NOVA1: variants seen among roughly 807,000 people sequenced by gnomAD.
NOVA1 encodes RNA-binding protein Nova-1.
In NOVA1, 7 loss-of-function variants were observed where a neutral mutation model predicts 38.0. The observed-to-expected ratio is 0.18, with a 90% CI of 0.10 to 0.35. NOVA1 has a LOEUF of 0.35. Ranked by LOEUF, NOVA1 falls within the 10% of genes least tolerant of loss-of-function variation. NOVA1 has a pLI of 1.00. For synonymous variants in NOVA1, 270 were observed against 232.5 expected, an observed-to-expected ratio of 1.16 and a Z score of -1.47; for missense variants, 460 against 616.0, an observed-to-expected ratio of 0.75 and a Z score of 2.68.
chr14:26,449,957 T>C (rs1291973914), intron 4 of NOVA1, among the ~76,000 whole-genome samples: 2 of 152,088 alleles, frequency 1.3e-5, no homozygotes, highest in Admixed American at 1.3e-4. Flanking sequence ...AATATGACAT[T>C]TTCTATCATC....
chr14:26,580,017 C>T (rs1439722497), intron 2 of NOVA1, among the ~76,000 whole-genome samples: 1 of 151,962 alleles, frequency 6.6e-6, no homozygotes, highest in Non-Finnish European at 1.5e-5. Context: ...ATCTCAGCCT[C>T]CCAAGTAGCT....
chr14:26,582,972 G>A (rs1393093150), intron 2 of NOVA1, among the ~76,000 whole-genome samples: 1 of 151,732 alleles, frequency 6.6e-6, no homozygotes, highest in African/African-American at 2.4e-5. Context: ...TTGGGTGTTC[G>A]TATGCAGAGA....
At chr14:26,481,255 C>A (rs1336633863) in intron 2 of NOVA1, among the ~76,000 whole-genome samples, 1 of 151,946 alleles carries the variant, frequency 6.6e-6, no homozygotes, top group East Asian at 1.9e-4. Flanking sequence ...GAAATATTTT[C>A]AATTACCTAA....
chr14:26,571,582 A>G (rs1221066461), intron 2 of NOVA1, among the ~76,000 whole-genome samples: 1 of 152,206 alleles, frequency 6.6e-6, no homozygotes, highest in Non-Finnish European at 1.5e-5. Context: ...CAACCCCAGG[A>G]AACTGTCTAC....
At chr14:26,523,851 C>T (rs1046274686) in intron 2 of NOVA1, among the ~76,000 whole-genome samples, 9 of 150,454 alleles carry the variant, frequency 6.0e-5, no homozygotes, top group East Asian at 3.9e-4. Flanking sequence ...CCCGGGTTCA[C>T]GCCATTCTCC....
intron 3 of NOVA1, chr14:26,479,592 C>T (rs889024873): frequency 5.2e-6 from 1 of 193,718 alleles, no homozygotes; most frequent in African/African-American, 2.3e-5. Flanking sequence ...CTGAAAACTA[C>T]AAATATCACT....
intron 4 of NOVA1, among the ~76,000 whole-genome samples, chr14:26,464,854 T>C (rs912112658): frequency 1.3e-5 from 2 of 152,168 alleles, no homozygotes; most frequent in African/African-American, 4.8e-5. Flanking sequence ...CAGGCCTTTA[T>C]ATAAAAATTG....
Position 26,448,538 on chromosome 14 carries a change from G to T in NOVA1, c.945C>A (p.Ile315=), listed in dbSNP as rs772096524. The stretch of plus-strand genomic sequence containing the variant: ...TGGCTAATGTATTAAGTGCAGAGGT[G>T]ATGGCCACCAGGTCATTGCCTGTGA... ...SGFTGNDLVA[I]TSALNTLASY... Residue 315 remains isoleucine, a synonymous_variant, in exon 5 of 5, where the codon ATC becomes ATA. Coordinates refer to ENST00000539517, the MANE Select transcript of NOVA1 (RefSeq NM_002515.3). This position sits in a 1 kb window ranked among gnomAD's most constrained non-coding sequence, Gnocchi z 5.3. The T allele has an allele frequency of 6.2e-7, 1 of 1,614,180 alleles. No homozygotes were observed. Among genetic ancestry groups the T allele is most frequent in the Admixed American group, 1.7e-5 (1 of 60,022 alleles).
At chr14:26,456,031 T>C (rs1051335123) in intron 4 of NOVA1, among the ~76,000 whole-genome samples, 2 of 152,044 alleles carry the variant, frequency 1.3e-5, no homozygotes, top group Non-Finnish European at 2.9e-5. Flanking sequence ...GAAATCATTA[T>C]TATTTTAAAT....
At chr14:26,464,925 T>G (rs1473452258) in intron 4 of NOVA1, among the ~76,000 whole-genome samples, 1 of 152,150 alleles carries the variant, frequency 6.6e-6, no homozygotes, top group African/African-American at 2.4e-5. Flanking sequence ...ATGTTTGCAA[T>G]TTTGATATGT....
intron 4 of NOVA1, among the ~76,000 whole-genome samples, chr14:26,458,606 A>T (rs1018821083): frequency 6.6e-6 from 1 of 152,072 alleles, no homozygotes; most frequent in African/African-American, 2.4e-5. Flanking sequence ...TATGAGAGGG[A>T]ACTAAACACT....
intron 4 of NOVA1, among the ~76,000 whole-genome samples, chr14:26,468,329 C>T (rs1476770743): frequency 6.7e-6 from 1 of 150,286 alleles, no homozygotes; most frequent in African/African-American, 2.4e-5. Context: ...AAAAAACCCT[C>T]ACAAAAATTG....
intron 2 of NOVA1, among the ~76,000 whole-genome samples, chr14:26,578,953 T>A (rs1355220967): frequency 2.0e-5 from 3 of 151,892 alleles, no homozygotes; most frequent in African/African-American, 7.2e-5. Flanking sequence ...ATAAATCCAT[T>A]ACCATAAAGA....
At chr14:26,586,993 C>T (rs1262386548) in intron 2 of NOVA1, among the ~76,000 whole-genome samples, 5 of 147,900 alleles carry the variant, frequency 3.4e-5, no homozygotes, top group Non-Finnish European at 7.5e-5. Flanking sequence ...AGAGTCACAT[C>T]CAGAAGGGAG....
intron 2 of NOVA1, among the ~76,000 whole-genome samples, chr14:26,534,446 T>C (rs1185791873): frequency 2.6e-5 from 4 of 152,048 alleles, no homozygotes; most frequent in Non-Finnish European, 4.4e-5. Context: ...GCATTAAAAT[T>C]GAAAGAAGTA....
intron 4 of NOVA1, among the ~76,000 whole-genome samples, chr14:26,464,812 T>G (rs1408286618): frequency 2.0e-5 from 3 of 152,118 alleles, no homozygotes; most frequent in African/African-American, 7.2e-5. Context: ...CCCACGAAAA[T>G]TATAGTAAGT....
At chr14:26,499,183 G>A (rs1887067839) in intron 2 of NOVA1, among the ~76,000 whole-genome samples, 1 of 151,964 alleles carries the variant, frequency 6.6e-6, no homozygotes, top group Non-Finnish European at 1.5e-5. Context: ...TTGCCACAGG[G>A]GGCGAAATGA....
At chr14:26,470,340 G>A (rs932428880) in intron 4 of NOVA1, 5 of 1,461,312 alleles carry the variant, frequency 3.4e-6, no homozygotes, top group Non-Finnish European at 4.7e-6. Context: ...CACATGATTA[G>A]AATCTACTGG....
chr14:26,471,221 G>T (rs532899066), intron 4 of NOVA1, among the ~76,000 whole-genome samples: 2 of 152,006 alleles, frequency 1.3e-5, no homozygotes, highest in African/African-American at 2.4e-5. Flanking sequence ...TGTTAGTTTT[G>T]CTTCCAGTTA....
Sources: gnomAD v4.1 joint callset for allele counts (sites outside exome capture counted in the v4.1 genomes callset) on GRCh38, gnomAD v4.1.1 for gene constraint, Gnocchi (gnomAD v3.1) non-coding constraint, MANE v1.5 for transcripts, NCBI Gene and HGNC (gene_info 2026-07-23, HGNC 2026-07-21) for gene names.